The following ARPP21 variants were observed in gnomAD, a reference collection of about 807,000 sequenced individuals.
ARPP21 encodes cAMP-regulated phosphoprotein 21.
A neutral mutation model predicts 113.2 loss-of-function variants in ARPP21; 69 were observed. That is an observed-to-expected ratio of 0.61 (90% CI 0.50 to 0.74). The LOEUF is 0.74. Ranked by LOEUF, ARPP21 falls within the 30% of genes least tolerant of loss-of-function variation. The pLI, the probability that ARPP21 is intolerant of heterozygous loss-of-function variation, is 0.00. For missense variants in ARPP21, 1,070 were observed against 1,037.4 expected, an observed-to-expected ratio of 1.03 and a Z score of -0.43; for synonymous variants, 368 against 375.5, an observed-to-expected ratio of 0.98 and a Z score of 0.23.
Position 35,707,011 on chromosome 3 carries a change from A to C in ARPP21, c.724A>C (p.Lys242Gln). 1 of 1,614,064 alleles carries C rather than the reference A, an allele frequency of 6.2e-7. No homozygotes were observed. The highest frequency in any genetic ancestry group is 2.2e-5 in the East Asian group (1 of 44,874). Residue 242 changes from lysine (K) to glutamine (Q), a missense_variant, in exon 10 of 21, where the codon AAA becomes CAA. Coordinates refer to ENST00000684406, the MANE Select transcript of ARPP21 (RefSeq NM_001385562.1). ...QRFCEHLKDE[K>Q]GEESQKRFIL... ...GTTTTGTGAACATTTAAAAGATGAA[A>C]AAGGTGAAGAATCCCAGAAGCGGTT...
At chr3:35,750,980 T>C (rs886308257) in intron 19 of ARPP21, among the ~76,000 whole-genome samples, 1 of 152,168 alleles carries the variant, frequency 6.6e-6, no homozygotes, top group Non-Finnish European at 1.5e-5. Flanking sequence ...AATACTACTT[T>C]AGGTTTAGGT....
At chr3:35,778,976 A>G (rs928997274) in intron 19 of ARPP21, among the ~76,000 whole-genome samples, 3 of 152,192 alleles carry the variant, frequency 2.0e-5, no homozygotes, top group Admixed American at 6.5e-5. Context: ...ATTAACTACT[A>G]ATATGTATTT....
intron 14 of ARPP21, among the ~76,000 whole-genome samples, chr3:35,724,184 A>G (rs772834526): frequency 1.1e-4 from 17 of 152,194 alleles, no homozygotes; most frequent in Non-Finnish European, 1.6e-4. Flanking sequence ...ATATTACTGA[A>G]GTATGAATGT....
chr3:35,773,066 T>C (rs937908001), intron 19 of ARPP21, among the ~76,000 whole-genome samples: 28 of 152,170 alleles, frequency 1.8e-4, no homozygotes, highest in African/African-American at 6.8e-4. Context: ...TTATCATTCA[T>C]AGGACTCAAG....
chr3:35,706,292 G>T (rs564858669), intron 9 of ARPP21, among the ~76,000 whole-genome samples: 1 of 152,204 alleles, frequency 6.6e-6, no homozygotes, highest in African/African-American at 2.4e-5. Flanking sequence ...TGATTAAAAA[G>T]ACCTAAAAAA....
chr3:35,748,102 GAAAGAAAGAAGA>G (rs776717848), intron 19 of ARPP21, among the ~76,000 whole-genome samples: 130 of 127,738 alleles, frequency 1.0e-3, no homozygotes, highest in African/African-American at 3.0e-3. Context: ...AAGAAAGAAA[GAAAGAAAGAAGA>G]AAGAAAGAAA....
intron 19 of ARPP21, among the ~76,000 whole-genome samples, chr3:35,775,348 T>C (rs2096328265): frequency 6.6e-6 from 1 of 152,220 alleles, no homozygotes; most frequent in African/African-American, 2.4e-5. Context: ...TCTAAGTTCA[T>C]TTCAACAAAA....
intron 1 of ARPP21, among the ~76,000 whole-genome samples, chr3:35,653,541 C>CTTA (rs1703415983): frequency 6.6e-6 from 1 of 152,022 alleles, no homozygotes; most frequent in African/African-American, 2.4e-5. Context: ...AATGATGCCA[C>CTTA]GGACTATCAG....
intron 9 of ARPP21, among the ~76,000 whole-genome samples, chr3:35,704,261 G>A (rs903055482): frequency 2.0e-5 from 3 of 151,592 alleles, no homozygotes; most frequent in Non-Finnish European, 4.4e-5. Context: ...AAATATTTTT[G>A]CTCTAAACAA....
chr3:35,686,793 T>C (rs1277349585), intron 5 of ARPP21, among the ~76,000 whole-genome samples: 1 of 151,630 alleles, frequency 6.6e-6, no homozygotes, highest in Non-Finnish European at 1.5e-5. Flanking sequence ...AATCATAGCA[T>C]AGGTTTTACA....
chr3:35,679,040 G>A (rs1426627074), intron 1 of ARPP21, among the ~76,000 whole-genome samples: 2 of 151,904 alleles, frequency 1.3e-5, no homozygotes, highest in African/African-American at 4.8e-5. Flanking sequence ...TTATAGCGTG[G>A]ATTGTTTTCA....
At chr3:35,678,033 C>T (rs752188246) in intron 1 of ARPP21, among the ~76,000 whole-genome samples, 17 of 151,912 alleles carry the variant, frequency 1.1e-4, no homozygotes, top group Non-Finnish European at 1.8e-4. Context: ...CTTTAGAGCT[C>T]GGTGCTATTT....
intron 19 of ARPP21, among the ~76,000 whole-genome samples, chr3:35,777,708 A>G (rs1388324920): frequency 2.6e-5 from 4 of 152,210 alleles, no homozygotes; most frequent in Non-Finnish European, 4.4e-5. Flanking sequence ...TTTCCCTGAA[A>G]TAGTCTTCAC....
At chr3:35,747,731 G>A (rs1483103534) in intron 19 of ARPP21, among the ~76,000 whole-genome samples, 1 of 151,942 alleles carries the variant, frequency 6.6e-6, no homozygotes, top group South Asian at 2.1e-4. Context: ...TCTGCCTCAG[G>A]GGAACTCAGA....
intron 19 of ARPP21, among the ~76,000 whole-genome samples, chr3:35,748,613 T>C (rs1419067052): frequency 6.6e-6 from 1 of 152,222 alleles, no homozygotes; most frequent in Non-Finnish European, 1.5e-5. Flanking sequence ...GAAGTGAGAA[T>C]ATCTTAACTG....
At chr3:35,784,260 G>T (rs1466013299) in intron 19 of ARPP21, among the ~76,000 whole-genome samples, 2 of 152,226 alleles carry the variant, frequency 1.3e-5, no homozygotes, top group Non-Finnish European at 2.9e-5. Flanking sequence ...TGAATATTAG[G>T]TCATTAGCAT....
chr3:35,777,155 T>C (rs1265425979), intron 19 of ARPP21, among the ~76,000 whole-genome samples: 1 of 152,194 alleles, frequency 6.6e-6, no homozygotes, highest in African/African-American at 2.4e-5. Flanking sequence ...TCCATCTTGA[T>C]ACTACCAACA....
intron 1 of ARPP21, among the ~76,000 whole-genome samples, chr3:35,671,575 C>T: frequency 6.6e-6 from 1 of 151,790 alleles, no homozygotes; most frequent in East Asian, 1.9e-4. Context: ...AACAAAAGAC[C>T]CTAGCATTTA....
At chr3:35,720,958 C>T (rs1020996829) in intron 13 of ARPP21, among the ~76,000 whole-genome samples, 15 of 152,204 alleles carry the variant, frequency 9.9e-5, no homozygotes, top group Middle Eastern at 3.4e-3. Context: ...AGTTTTTCTA[C>T]GTGAAAATAA....
Sources: gnomAD v4.1 joint callset for allele counts (sites outside exome capture counted in the v4.1 genomes callset) on GRCh38, gnomAD v4.1.1 for gene constraint, MANE v1.5 for transcripts, NCBI Gene and HGNC (gene_info 2026-07-23, HGNC 2026-07-21) for gene names.